The following NKAIN2 variants were observed in gnomAD, a reference collection of about 807,000 sequenced individuals.
NKAIN2 encodes the protein sodium/potassium transporting ATPase interacting 2.
NKAIN2 carries 14 observed loss-of-function variants against 32.6 expected under a neutral mutation model. That is an observed-to-expected ratio of 0.43 (90% CI 0.28 to 0.67). NKAIN2 has a LOEUF of 0.67. NKAIN2 is among the 30% of genes least tolerant of loss of function. NKAIN2 has a pLI of 0.17. For missense variants in NKAIN2, 198 were observed against 258.3 expected (o/e 0.77, Z 1.60); for synonymous variants, 80 against 87.2 (o/e 0.92, Z 0.46).
At chr6:124,191,551 G>A (rs1790022426) in intron 1 of NKAIN2, among the ~76,000 whole-genome samples, 1 of 152,058 alleles carries the variant, frequency 6.6e-6, no homozygotes, top group Admixed American at 6.6e-5. Context: ...CCTCACAACA[G>A]TGAGCTGTAT....
At chr6:124,773,318 G>C (rs959008302) in intron 4 of NKAIN2, among the ~76,000 whole-genome samples, 1 of 152,092 alleles carries the variant, frequency 6.6e-6, no homozygotes, top group African/African-American at 2.4e-5. Context: ...GAGGGAGAGA[G>C]AAGAGGTGCG....
At chr6:124,340,090 C>A (rs1798056384) in intron 2 of NKAIN2, among the ~76,000 whole-genome samples, 1 of 152,010 alleles carries the variant, frequency 6.6e-6, no homozygotes, top group African/African-American at 2.4e-5. Flanking sequence ...CTGAGACTTC[C>A]AAAACCAAAT....
intron 1 of NKAIN2, among the ~76,000 whole-genome samples, chr6:123,946,538 T>C (rs1020213229): frequency 6.6e-6 from 1 of 152,144 alleles, no homozygotes; most frequent in Non-Finnish European, 1.5e-5. Context: ...GATGATTTGC[T>C]TTTTAAAAAA....
At chr6:123,970,158 T>G (rs910559688) in intron 1 of NKAIN2, among the ~76,000 whole-genome samples, 6 of 151,968 alleles carry the variant, frequency 3.9e-5, no homozygotes, top group Middle Eastern at 3.2e-3. Flanking sequence ...AACTGGAAGA[T>G]ACACATCAAA....
At chr6:124,078,786 TTGTGTGTGTGTGTGTGTGTG>T (rs71021477) in intron 1 of NKAIN2, among the ~76,000 whole-genome samples, 2 of 144,644 alleles carry the variant, frequency 1.4e-5, no homozygotes, top group Admixed American at 7.0e-5. Context: ...TATGTCGTTT[TTGTGTGTGTGTGTGTGTGTG>T]TGTGTGTGTG....
chr6:124,186,552 C>T (rs951771593), intron 1 of NKAIN2, among the ~76,000 whole-genome samples: 1 of 152,094 alleles, frequency 6.6e-6, no homozygotes, highest in African/African-American at 2.4e-5. Flanking sequence ...TAAGGAAATT[C>T]GATGAAACTA....
intron 1 of NKAIN2, among the ~76,000 whole-genome samples, chr6:124,094,696 T>C (rs1323068416): frequency 6.6e-6 from 1 of 152,140 alleles, no homozygotes; most frequent in Non-Finnish European, 1.5e-5. Flanking sequence ...AGTTTGCTGA[T>C]GTCACCAAAG....
chr6:123,864,968 T>A (rs1030036694), intron 1 of NKAIN2, among the ~76,000 whole-genome samples: 5 of 152,196 alleles, frequency 3.3e-5, no homozygotes, highest in African/African-American at 1.2e-4. Flanking sequence ...ATTGCATTTT[T>A]ATAGTCATCT....
intron 4 of NKAIN2, among the ~76,000 whole-genome samples, chr6:124,670,173 A>C (rs554370779): frequency 6.6e-6 from 1 of 152,240 alleles, no homozygotes; most frequent in East Asian, 1.9e-4. Flanking sequence ...GCTAGAAGCC[A>C]ATATTTTTCC....
intron 3 of NKAIN2, among the ~76,000 whole-genome samples, chr6:124,539,624 TA>T (rs796093061): frequency 7.9e-5 from 12 of 152,324 alleles, no homozygotes; most frequent in African/African-American, 2.9e-4. Flanking sequence ...ATTTAACAAA[TA>T]TTTTTAATAG....
intron 3 of NKAIN2, among the ~76,000 whole-genome samples, chr6:124,545,080 A>G (rs1780045727): frequency 6.6e-6 from 1 of 152,182 alleles, no homozygotes; most frequent in Non-Finnish European, 1.5e-5. Context: ...ACTTCATTTA[A>G]AGGGAGAGGG....
chr6:124,194,671 A>G (rs897253778), intron 1 of NKAIN2, among the ~76,000 whole-genome samples: 3 of 152,108 alleles, frequency 2.0e-5, no homozygotes, highest in African/African-American at 2.4e-5. Flanking sequence ...TGAGATTTCC[A>G]TAGTACACGA....
At chr6:124,663,479 CCAGATCTG>C (rs1470225853) in intron 4 of NKAIN2, among the ~76,000 whole-genome samples, 1 of 151,750 alleles carries the variant, frequency 6.6e-6, no homozygotes, top group South Asian at 2.1e-4. Context: ...ACTAAATTAG[CCAGATCTG>C]CAGCTTCACA....
At chr6:124,806,332 A>T (rs971736809) in intron 5 of NKAIN2, among the ~76,000 whole-genome samples, 40 of 152,234 alleles carry the variant, frequency 2.6e-4, no homozygotes, top group African/African-American at 9.6e-4. Context: ...GAGGGCCAAT[A>T]TTCAACATAC....
chr6:124,548,867 G>C (rs1188551032), intron 3 of NKAIN2, among the ~76,000 whole-genome samples: 1 of 152,160 alleles, frequency 6.6e-6, no homozygotes, highest in Non-Finnish European at 1.5e-5. Context: ...CTGAGAGGTG[G>C]AGGTAGATTA....
At chr6:124,068,712 C>T (rs1783303073) in intron 1 of NKAIN2, among the ~76,000 whole-genome samples, 1 of 151,796 alleles carries the variant, frequency 6.6e-6, no homozygotes, top group Admixed American at 6.6e-5. Flanking sequence ...TTCTACTGCC[C>T]TCTGAGCTTC....
At chr6:124,597,363 AATATT>A (rs1376853146) in intron 3 of NKAIN2, among the ~76,000 whole-genome samples, 2 of 151,318 alleles carry the variant, frequency 1.3e-5, no homozygotes, top group African/African-American at 4.8e-5. Flanking sequence ...CTTATACTAA[AATATT>A]AATATTAATA....
chr6:124,768,350 G>A (rs752298306), intron 4 of NKAIN2, among the ~76,000 whole-genome samples: 15 of 152,136 alleles, frequency 9.9e-5, no homozygotes, highest in Non-Finnish European at 1.3e-4. Context: ...CTGTCAATGT[G>A]GAAATATAAT....
intron 2 of NKAIN2, among the ~76,000 whole-genome samples, chr6:124,305,844 C>T (rs1796486626): frequency 6.6e-6 from 1 of 152,170 alleles, no homozygotes; most frequent in Non-Finnish European, 1.5e-5. Flanking sequence ...CTGCTGCAAA[C>T]CCATGTTCTG....
Sources: allele counts gnomAD v4.1 joint callset (sites outside exome capture counted in the v4.1 genomes callset), GRCh38; gene constraint gnomAD v4.1.1; transcripts MANE v1.5; gene names NCBI Gene and HGNC (gene_info 2026-07-23, HGNC 2026-07-21).